ZNF490: variants seen among roughly 807,000 people sequenced by gnomAD.
ZNF490 encodes zinc finger protein 490.
Under a neutral mutation model 17.7 loss-of-function variants are expected in ZNF490, and 11 were observed. The ratio of observed to expected loss-of-function variants is 0.62; its 90% CI spans 0.39 to 1.03. The LOEUF is 1.03. Among genes scored for constraint, ZNF490 ranks in the 50% least tolerant of loss-of-function variants. The pLI is 0.00. For missense variants in ZNF490, 542 were observed against 643.4 expected, an observed-to-expected ratio of 0.84 and a Z score of 1.71; for synonymous variants, 222 against 216.1, an observed-to-expected ratio of 1.03 and a Z score of -0.24.
intron 2 of ZNF490, among the ~76,000 whole-genome samples, chr19:12,605,263 CTT>C (rs1330459035): frequency 3.3e-5 from 5 of 152,262 alleles, no homozygotes; most frequent in Middle Eastern, 3.4e-3. Flanking sequence ...GGGAGGATCT[CTT>C]GAGACCTGGA....
chr19:12,603,047 C>T (rs1568282791), intron 2 of ZNF490, among the ~76,000 whole-genome samples: 2 of 152,114 alleles, frequency 1.3e-5, no homozygotes, highest in Admixed American at 1.3e-4. Context: ...AATCAAACTG[C>T]AGAGAGAGGG....
intron 2 of ZNF490, among the ~76,000 whole-genome samples, chr19:12,589,495 G>A (rs1367976834): frequency 2.7e-4 from 41 of 150,940 alleles, no homozygotes; most frequent in Admixed American, 2.7e-3. Flanking sequence ...GGGGGAAAAT[G>A]AAGAAGCACT....
At chr19:12,598,487 G>A (rs1435086974) in intron 2 of ZNF490, among the ~76,000 whole-genome samples, 8 of 150,310 alleles carry the variant, frequency 5.3e-5, no homozygotes, top group African/African-American at 1.5e-4. Context: ...CGATTCTCCC[G>A]CCTCAGCCTC....
Position 12,578,695 on chromosome 19 carries a change from G to T in ZNF490, c.*1790C>A, listed in dbSNP as rs2022677719. ...ACAGTCTGACCCGAGGACACTGATG[G>T]AAACTTAAAAGGCAGATTCTGGGAG... On this transcript the variant is annotated 3_prime_UTR_variant, in exon 5 of 5. Coordinates refer to ENST00000311437, the MANE Select transcript of ZNF490 (RefSeq NM_020714.3). 3.0e-6 allele frequency: 3 copies of T among 985,330 alleles called. No individual in the cohort carries two copies. Among genetic ancestry groups the T allele is most frequent in the South Asian group, 9.4e-5 (2 of 21,292 alleles). 61.0% of individuals were successfully genotyped at this position (985,330 alleles called of 1,614,324 possible).
intron 2 of ZNF490, 29 bp downstream of exon 2, chr19:12,609,129 C>A (rs1180676837): frequency 6.2e-7 from 1 of 1,612,266 alleles, no homozygotes; most frequent in Admixed American, 1.7e-5. Flanking sequence ...AGGAAGGTAG[C>A]CACGCTGACA....
intron 2 of ZNF490, among the ~76,000 whole-genome samples, chr19:12,599,104 C>A (rs1460125943): frequency 1.6e-5 from 2 of 121,372 alleles, no homozygotes; most frequent in Non-Finnish European, 3.2e-5. Context: ...CACGCCACTG[C>A]ACTCCAGCCT....
chr19:12,603,717 G>A (rs959499894), intron 2 of ZNF490, among the ~76,000 whole-genome samples: 4 of 151,774 alleles, frequency 2.6e-5, no homozygotes, highest in Admixed American at 6.6e-5. Flanking sequence ...GCTTGAACCC[G>A]GGGGTGGAGG....
chr19:12,600,506 A>G (rs1372762903), intron 2 of ZNF490, among the ~76,000 whole-genome samples: 1 of 152,166 alleles, frequency 6.6e-6, no homozygotes, highest in Non-Finnish European at 1.5e-5. Context: ...TTTGGACTAT[A>G]TCTGTATATA....
rs1599303001 is a variant in ZNF490 at position 12,578,484 on chromosome 19, T to C, written c.*2001A>G. 1 of 985,346 alleles carries C rather than the reference T, an allele frequency of 1.0e-6. No homozygotes were observed. Among genetic ancestry groups the C allele is most frequent in the African/African-American group, 1.7e-5 (1 of 57,320 alleles). The allele number at this position is 985,346 out of a possible 1,614,324, so 61.0% of individuals were successfully genotyped here. A position where few individuals can be genotyped will look rare whatever the true frequency, so the allele number is the denominator to read the frequency against. On this transcript the variant is annotated 3_prime_UTR_variant, in exon 5 of 5. Coordinates refer to ENST00000311437, the MANE Select transcript of ZNF490 (RefSeq NM_020714.3). ...TGCGGTTGCCACAGAGAAATTCAGA[T>C]GTGAATGTTTAAACAAGTGTCCAAA...
chr19:12,608,416 T>C (rs1370048952), intron 2 of ZNF490, among the ~76,000 whole-genome samples: 1 of 152,004 alleles, frequency 6.6e-6, no homozygotes, highest in African/African-American at 2.4e-5. Flanking sequence ...CCTGGGACTA[T>C]GCCACCATGC....
rs1369592674 is a variant in ZNF490, at chr19:12,578,355, T to G, written c.*2130A>C. 1 of 985,540 alleles carries G rather than the reference T, an allele frequency of 1.0e-6. No homozygotes were observed. The highest frequency in any genetic ancestry group is 1.2e-6 in the Non-Finnish European group (1 of 830,092). 61.0% of individuals were successfully genotyped at this position (985,540 alleles called of 1,614,324 possible). A position where few individuals can be genotyped will look rare whatever the true frequency, so the allele number is the denominator to read the frequency against. Reference sequence around the variant, plus strand: ...TTGAGATTATTCTGACTGTGGTGGTTGGTGCAGGGCTGGTAACCGCAGGAG... The same window carrying G: ...TTGAGATTATTCTGACTGTGGTGGTGGGTGCAGGGCTGGTAACCGCAGGAG... On this transcript the variant is annotated 3_prime_UTR_variant, in exon 5 of 5. Coordinates refer to ENST00000311437, the MANE Select transcript of ZNF490 (RefSeq NM_020714.3).
rs368923106 is a variant in ZNF490, at chr19:12,582,922, G to A, written c.290-12C>T. 27 of 1,603,044 alleles carry A rather than the reference G, an allele frequency of 1.7e-5. No homozygotes were observed. The highest frequency in any genetic ancestry group is 1.7e-5 in the Non-Finnish European group (20 of 1,173,672). Reference sequence around the variant, plus strand: ...TTTCCATTTTTCCCCTAAAATACAAGCCCAGAGAACTCACAATAAATTATT... The same window carrying A: ...TTTCCATTTTTCCCCTAAAATACAAACCCAGAGAACTCACAATAAATTATT... On this transcript the variant is annotated splice_polypyrimidine_tract_variant and intron_variant, in intron 3 of 4. Transcript: ENST00000311437.
At chr19:12,601,205 G>C (rs930313714) in intron 2 of ZNF490, among the ~76,000 whole-genome samples, 1 of 151,272 alleles carries the variant, frequency 6.6e-6, no homozygotes, top group East Asian at 2.0e-4. Context: ...TGGCTAACAC[G>C]GTGAAACTCC....
Position 12,580,594 on chromosome 19 carries a change from C to T in ZNF490, c.1481G>A (p.Arg494Lys). 6.2e-7 allele frequency: 1 copy of T among 1,614,148 alleles called. No individual in the cohort carries two copies. Among genetic ancestry groups the T allele is most frequent in the Non-Finnish European group, 8.5e-7 (1 of 1,180,028 alleles). Reference sequence around the variant, plus strand: ...AAAGGGTCTTTCTCCAGTATGAATTCTTTTGTGTACTTTCAGGGAATTTAA... The same window carrying T: ...AAAGGGTCTTTCTCCAGTATGAATTTTTTTGTGTACTTTCAGGGAATTTAA... ...TCLNSLKVHK[R>K]IHTGERPFQC... Residue 494 changes from arginine (R) to lysine (K), a missense_variant, in exon 5 of 5, where the codon AGA becomes AAA. Transcript: ENST00000311437.
intron 2 of ZNF490, among the ~76,000 whole-genome samples, chr19:12,607,664 G>A (rs570098518): frequency 3.9e-5 from 6 of 152,052 alleles, no homozygotes; most frequent in African/African-American, 1.4e-4. Flanking sequence ...CACTTTGGGA[G>A]GTTGAGGCAG....
At chr19:12,600,912 A>G (rs2022994100) in intron 2 of ZNF490, among the ~76,000 whole-genome samples, 1 of 151,954 alleles carries the variant, frequency 6.6e-6, no homozygotes, top group South Asian at 2.1e-4. Context: ...CCAACATGAC[A>G]CAACCTGTCT....
Position 12,583,546 on chromosome 19 carries a change from G to C in ZNF490, c.173C>G (p.Ser58Cys), listed in dbSNP as rs750166712. 1.7e-5 allele frequency: 27 copies of C among 1,598,488 alleles called. No homozygotes were observed. The highest frequency in any genetic ancestry group is 2.3e-5 in the Non-Finnish European group (27 of 1,170,092). Residue 58 changes from serine to cysteine, a missense_variant, in exon 3 of 5, where the codon TCC becomes TGC. Ser to Cys is a moderately radical substitution (Grantham distance 112). Coordinates refer to ENST00000311437, the MANE Select transcript of ZNF490 (RefSeq NM_020714.3). ...QSIKTQTDSI[S>C]LEDVAVNFTL... ...GAAGTTCACAGCCACATCCTCAAGG[G>C]AGATGGAGTCCTAAAACATCCCCCA...
intron 2 of ZNF490, among the ~76,000 whole-genome samples, chr19:12,600,318 G>A (rs982896995): frequency 7.9e-5 from 12 of 151,694 alleles, no homozygotes; most frequent in Non-Finnish European, 1.6e-4. Context: ...AGTGAGCCGA[G>A]ATGTGCCACT....
At chr19:12,592,270 G>C (rs1599308999) in intron 2 of ZNF490, among the ~76,000 whole-genome samples, 1 of 152,036 alleles carries the variant, frequency 6.6e-6, no homozygotes, top group Middle Eastern at 3.4e-3. Flanking sequence ...GCCATGAAAA[G>C]ACATGGAGGC....
Sources: allele counts gnomAD v4.1 joint callset (sites outside exome capture counted in the v4.1 genomes callset), GRCh38; gene constraint gnomAD v4.1.1; transcripts MANE v1.5; gene names NCBI Gene and HGNC (gene_info 2026-07-23, HGNC 2026-07-21).